CNTRL: variants seen among roughly 807,000 people sequenced by gnomAD.
CNTRL encodes the protein centriolin.
A neutral mutation model predicts 303.7 loss-of-function variants in CNTRL; 233 were observed. The observed-to-expected ratio is 0.77, with a 90% CI of 0.69 to 0.86. The LOEUF is 0.86. CNTRL is among the 40% of genes least tolerant of loss of function. The probability of loss-of-function intolerance (pLI) is 0.00; values close to 1 mark genes in which losing one functional copy is unlikely to be tolerated. For missense variants in CNTRL, 2,524 were observed against 2,650.6 expected, an observed-to-expected ratio of 0.95 and a Z score of 1.05; for synonymous variants, 900 against 922.2, an observed-to-expected ratio of 0.98 and a Z score of 0.44.
In CNTRL at chr9:121,123,912, ATTTT is replaced by A. The variant is rs553380012; in HGVS notation, c.1651-11_1651-8del. Reference sequence around the variant, plus strand: ...GTTTAAGGAACTTGGAGTTTTGTTGATTTTTTTTTTTAATTCAGTCCCATATGAA... The same window carrying A: ...GTTTAAGGAACTTGGAGTTTTGTTGATTTTTTTAATTCAGTCCCATATGAA... On this transcript the variant is annotated splice_polypyrimidine_tract_variant and intron_variant, in intron 12 of 43. Coordinates refer to ENST00000373855, the MANE Select transcript of CNTRL (RefSeq NM_007018.6). The A allele has an allele frequency of 3.2e-6, 4 of 1,269,170 alleles. No homozygotes were observed. The highest frequency in any genetic ancestry group is 4.2e-6 in the Non-Finnish European group (4 of 941,258). The allele number at this position is 1,269,170 out of a possible 1,614,324, so 78.6% of individuals were successfully genotyped here. A position where few individuals can be genotyped will look rare whatever the true frequency, so the allele number is the denominator to read the frequency against.
chr9:121,104,025 G>A (rs552740309), intron 7 of CNTRL, among the ~76,000 whole-genome samples: 3 of 152,306 alleles, frequency 2.0e-5, no homozygotes, highest in African/African-American at 7.2e-5. Flanking sequence ...CCATTACTGG[G>A]TATATACCCA....
In CNTRL at chr9:121,177,265, G is replaced by A. The variant is rs192082090; in HGVS notation, c.*79G>A. ...GACTTCATAATTGGAATGTCACATG[G>A]TTTTTTTAATCAAGATGCAGTGAAC... On this transcript the variant is annotated 3_prime_UTR_variant, in exon 44 of 44. Coordinates refer to ENST00000373855, the MANE Select transcript of CNTRL (RefSeq NM_007018.6). 1.8e-3 allele frequency: 2,318 copies of A among 1,253,702 alleles called. 6 individuals carry two copies. Among genetic ancestry groups the A allele is most frequent in the Non-Finnish European group, 2.4e-3 (2,083 of 867,030 alleles). The allele number at this position is 1,253,702 out of a possible 1,614,324, so 77.7% of individuals were successfully genotyped here. A position where few individuals can be genotyped will look rare whatever the true frequency, so the allele number is the denominator to read the frequency against.
At chr9:121,154,962 C>T in intron 27 of CNTRL, 49 bp downstream of exon 27, 1 of 1,466,078 alleles carries the variant, frequency 6.8e-7, no homozygotes, top group East Asian at 2.3e-5. Flanking sequence ...GGTGAGTCAG[C>T]TTACTGTCCA....
rs2048984857 is a variant in CNTRL at position 121,098,461 on chromosome 9, C to A, written c.697C>A (p.Leu233Ile). The A allele has an allele frequency of 6.2e-7, 1 of 1,613,696 alleles. No individual in the cohort carries two copies. Among genetic ancestry groups the A allele is most frequent in the African/African-American group, 1.3e-5 (1 of 74,908 alleles). The change falls in exon 7 of 44, where the codon CTT (leucine) becomes ATT (isoleucine). Residue 233 changes from leucine (L) to isoleucine (I), a missense_variant. Transcript: ENST00000373855. ...LILVENPVVTLPHYLQFTIFH... is the reference protein window; with the variant it reads ...LILVENPVVTIPHYLQFTIFH... Reference sequence around the variant, plus strand: ...CCTAGTTGAAAATCCAGTTGTGACCCTTCCTCATTACCTCCAGTTTACCAT... The same window carrying A: ...CCTAGTTGAAAATCCAGTTGTGACCATTCCTCATTACCTCCAGTTTACCAT...
rs1392821515 is a variant in CNTRL at position 121,141,358 on chromosome 9, C to G, written c.2484-23C>G. ...TCAAAAATTAAATGTCACATTTATA[C>G]CATTTTTCCCCCTCCTTACTAGCAT... On this transcript the variant is annotated intron_variant, in intron 17 of 43. Transcript: ENST00000373855. 1.9e-6 allele frequency: 3 copies of G among 1,558,858 alleles called. No homozygotes were observed. In the Admixed American group the frequency reaches 5.0e-5, roughly 26 times the overall value.
chr9:121,133,128 C>T (rs1399520433), intron 14 of CNTRL, among the ~76,000 whole-genome samples: 2 of 152,268 alleles, frequency 1.3e-5, no homozygotes, highest in African/African-American at 4.8e-5. Context: ...TCTGTCCGTT[C>T]TCTGAGCTCA....
At position 121,113,487 on chromosome 9, in the gene CNTRL, T is replaced by C; in HGVS notation, c.1123-15T>C. 6.9e-7 allele frequency: 1 copy of C among 1,444,844 alleles called. No homozygotes were observed. Among genetic ancestry groups the C allele is most frequent in the Non-Finnish European group, 9.5e-7 (1 of 1,057,928 alleles). 89.5% of individuals were successfully genotyped at this position (1,444,844 alleles called of 1,614,324 possible). The stretch of plus-strand genomic sequence containing the variant: ...GATCACTTATTAAACCATAAATCTA[T>C]TATTTTGCTTTTAGTATGCTGAAAT... On this transcript the variant is annotated splice_polypyrimidine_tract_variant and intron_variant, in intron 9 of 43. Transcript: ENST00000373855.
rs541037883 is a variant in CNTRL at position 121,164,701 on chromosome 9, TATCCATGTTTTTA to T, written c.5424-234_5424-222del. Among the ~76,000 whole-genome samples the T allele has an allele frequency of 3.5e-3, 529 of 152,374 alleles. 5 individuals carry two copies. Among genetic ancestry groups the T allele is most frequent in the African/African-American group, 0.012 (504 of 41,594 alleles). Reference sequence around the variant, plus strand: ...ATCAGATTTTTGGAATTCTGAATGTTATCCATGTTTTTAATCCATGATTTTTATAAAACTTCAA... The same window carrying T: ...ATCAGATTTTTGGAATTCTGAATGTTATCCATGATTTTTATAAAACTTCAA... On this transcript the variant is annotated intron_variant, in intron 34 of 43. Coordinates refer to ENST00000373855, the MANE Select transcript of CNTRL (RefSeq NM_007018.6).
In CNTRL at chr9:121,113,503, A is replaced by T. The variant is rs752707957; in HGVS notation, c.1124A>T (p.Tyr375Phe). The change falls in exon 10 of 44, where the codon TAT becomes TTT. Residue 375 changes from tyrosine (Y) to phenylalanine (F), a missense_variant and splice_region_variant. By Grantham distance (22) the Tyr-to-Phe change is conservative. Transcript: ENST00000373855. ...ATAAATCTATTATTTTGCTTTTAGT[A>T]TGCTGAAATTGATAAAGCCCCAGAT... The part of the protein sequence containing the change: ...FEPLNYYPSE[Y>F]AEIDKAPDES... 6.4e-7 allele frequency: 1 copy of T among 1,554,534 alleles called. No individual in the cohort carries two copies. The highest frequency in any genetic ancestry group is 1.4e-5 in the African/African-American group (1 of 72,356).
chr9:121,083,679 A>G (rs1001752403), intron 2 of CNTRL, among the ~76,000 whole-genome samples: 3 of 152,256 alleles, frequency 2.0e-5, no homozygotes, highest in Non-Finnish European at 2.9e-5. Context: ...ATAAGCCAGT[A>G]ACACGGACAT....
chr9:121,084,998 T>C (rs2048290520), intron 2 of CNTRL, among the ~76,000 whole-genome samples: 1 of 152,232 alleles, frequency 6.6e-6, no homozygotes, highest in Non-Finnish European at 1.5e-5. Flanking sequence ...CATTAACAAA[T>C]GCTTTAGTTC....
chr9:121,118,094 A>G (rs1410504918), intron 11 of CNTRL, among the ~76,000 whole-genome samples: 1 of 152,042 alleles, frequency 6.6e-6, no homozygotes, highest in Non-Finnish European at 1.5e-5. Context: ...CAAGTTGCCT[A>G]TACTATTATA....
At position 121,135,347 on chromosome 9, in the gene CNTRL, C is replaced by T. The variant is rs78114096; in HGVS notation, c.2026-459C>T. 2.0e-3 allele frequency among the ~76,000 whole-genome samples: 303 copies of T among 152,304 alleles called. 8 individuals carry two copies. In the East Asian group the frequency reaches 0.054, roughly 27 times the overall value. On this transcript the variant is annotated intron_variant, in intron 14 of 43. Coordinates refer to ENST00000373855, the MANE Select transcript of CNTRL (RefSeq NM_007018.6). ...GACTATCCTTTTTCTAGCTACATAG[C>T]CCTGTGCAATTTACTTAGATATTCA...
At chr9:121,158,801 A>C in intron 30 of CNTRL, 54 bp from the exon 31 acceptor site, 1 of 1,518,768 alleles carries the variant, frequency 6.6e-7, no homozygotes, top group Non-Finnish European at 9.1e-7. Flanking sequence ...CCAGGTTAGC[A>C]CTGAGGGCTG....
Position 121,096,460 on chromosome 9 carries a change from A to T in CNTRL, c.518A>T (p.Lys173Met). 6.4e-7 allele frequency: 1 copy of T among 1,570,538 alleles called. No homozygotes were observed. ...EGIENMCNLQ[K>M]LNLAGNEIEH... ...ATAGAAAATATGTGTAATCTGCAAA[A>T]GCTTAACCTTGCAGGAAATGAAATT... Residue 173 changes from lysine to methionine, a missense_variant, in exon 6 of 44, where the codon AAG becomes ATG. Lys to Met is a moderately conservative substitution (Grantham distance 95). Coordinates refer to ENST00000373855, the MANE Select transcript of CNTRL (RefSeq NM_007018.6).
At chr9:121,119,640 C>T (rs1056117662) in intron 12 of CNTRL, among the ~76,000 whole-genome samples, 46 of 151,880 alleles carry the variant, frequency 3.0e-4, no homozygotes, top group Admixed American at 2.2e-3. Context: ...GGATTACAGG[C>T]GCGCACCACC....
intron 30 of CNTRL, 26 bp from the exon 31 acceptor site, chr9:121,158,829 T>C (rs775317792): frequency 1.9e-6 from 3 of 1,611,230 alleles, no homozygotes; most frequent in Non-Finnish European, 2.5e-6. Flanking sequence ...TTTGTCAAAC[T>C]TACTCTTCCC....
At chr9:121,129,435 T>C (rs866668414) in intron 14 of CNTRL, among the ~76,000 whole-genome samples, 1 of 151,770 alleles carries the variant, frequency 6.6e-6, no homozygotes, top group African/African-American at 2.4e-5. Flanking sequence ...TTTGGCTCTC[T>C]GTCTATTATT....
chr9:121,157,848 T>C lies in CNTRL; in HGVS notation c.4605T>C (p.Cys1535=). ...IVAAKDSDFQ[C]LSKKKEKLTE... ...CAGCAAAAGACTCAGACTTCCAATGTTTAAGCAAGAAGAAGGAAAAACTGA... is the reference window on the plus strand; with the variant it reads ...CAGCAAAAGACTCAGACTTCCAATGCTTAAGCAAGAAGAAGGAAAAACTGA... The change falls in exon 29 of 44, where the codon TGT becomes TGC. Residue 1535 remains cysteine, a synonymous_variant. Coordinates refer to ENST00000373855, the MANE Select transcript of CNTRL (RefSeq NM_007018.6). The C allele has an allele frequency of 6.2e-7, 1 of 1,614,086 alleles. No individual in the cohort carries two copies. The highest frequency in any genetic ancestry group is 8.5e-7 in the Non-Finnish European group (1 of 1,180,004).
Sources: allele counts gnomAD v4.1 joint callset (sites outside exome capture counted in the v4.1 genomes callset), GRCh38; gene constraint gnomAD v4.1.1; transcripts MANE v1.5; gene names NCBI Gene and HGNC (gene_info 2026-07-23, HGNC 2026-07-21).